FNTA: variants seen among roughly 807,000 people sequenced by gnomAD.
FNTA encodes the protein farnesyltransferase, CAAX box, subunit alpha, also known as protein farnesyltransferase/geranylgeranyltransferase type-1 subunit alpha.
A neutral mutation model predicts 55.2 loss-of-function variants in FNTA; 27 were observed. The ratio of observed to expected loss-of-function variants is 0.49; its 90% CI spans 0.36 to 0.67. The LOEUF (loss-of-function observed/expected upper bound fraction) is 0.67. Ranked by LOEUF, FNTA falls within the 30% of genes least tolerant of loss-of-function variation. The probability of loss-of-function intolerance (pLI) is 0.00; values close to 1 mark genes in which losing one functional copy is unlikely to be tolerated. For missense variants in FNTA, 422 were observed against 464.7 expected (o/e 0.91, Z 0.85); for synonymous variants, 176 against 170.7 (o/e 1.03, Z -0.24).
intron 5 of FNTA, among the ~76,000 whole-genome samples, 186 bp downstream of exon 5, chr8:43,072,493 A>G (rs932544347): frequency 6.6e-6 from 1 of 152,192 alleles, no homozygotes; most frequent in Non-Finnish European, 1.5e-5. Context: ...TGGGAGGCCA[A>G]GGCAGGAGGA....
chr8:43,083,402 A>G (rs1200002477), intron 7 of FNTA, among the ~76,000 whole-genome samples: 1 of 152,190 alleles, frequency 6.6e-6, no homozygotes, highest in Admixed American at 6.5e-5. Flanking sequence ...ATAATCCACC[A>G]GTAAATAATG....
intron 5 of FNTA, among the ~76,000 whole-genome samples, chr8:43,075,994 AGC>A (rs920957885): frequency 6.6e-6 from 1 of 151,532 alleles, no homozygotes; most frequent in Non-Finnish European, 1.5e-5. Flanking sequence ...CCTCCTGAGT[AGC>A]TGGGATTCTA....
At position 43,059,075 on chromosome 8, in the gene FNTA, G is replaced by A. The variant is rs202242538; in HGVS notation, c.201-17G>A. The stretch of plus-strand genomic sequence containing the variant: ...GTATTTGAATGTAACCACTGGTTGG[G>A]GAATGTCTGTTTTCAGGGACAGAGC... On this transcript the variant is annotated splice_polypyrimidine_tract_variant and intron_variant, in intron 1 of 8. Transcript: ENST00000302279. 1 of 1,599,964 alleles carries A rather than the reference G, an allele frequency of 6.3e-7. No individual in the cohort carries two copies. Among genetic ancestry groups the A allele is most frequent in the African/African-American group, 1.3e-5 (1 of 74,518 alleles).
intron 2 of FNTA, among the ~76,000 whole-genome samples, chr8:43,062,173 ATGTGTGTGTGTGTGTGTG>A (rs35607201): frequency 6.7e-6 from 1 of 148,904 alleles, no homozygotes; most frequent in African/African-American, 2.5e-5. Flanking sequence ...TGTATGTTTT[ATGTGTGTGTGTGTGTGTG>A]TGTGTGTGTG....
In FNTA at chr8:43,056,391, G is replaced by T; in HGVS notation, c.45G>T (p.Glu15Asp). 1 of 1,495,584 alleles carries T rather than the reference G, an allele frequency of 6.7e-7. No homozygotes were observed. Among genetic ancestry groups the T allele is most frequent in the Non-Finnish European group, 8.9e-7 (1 of 1,125,620 alleles). The allele number at this position is 1,495,584 out of a possible 1,614,324, so 92.6% of individuals were successfully genotyped here. ...TCGGGGAGGCTGCGCAAGGGGGCGA[G>T]CCCGGGCAGCCGGCGCAACCCCCGC... ...EGVGEAAQGG[E>D]PGQPAQPPPQ... The change falls in exon 1 of 9, where the codon GAG (glutamate) becomes GAT (aspartate). Residue 15 changes from glutamate (E) to aspartate (D), a missense_variant. Around this residue, in one of 2 missense-constraint regions of FNTA, gnomAD observed 160 missense variants for 121.6 expected, o/e 1.32. Transcript: ENST00000302279.
intron 1 of FNTA, among the ~76,000 whole-genome samples, chr8:43,057,823 T>A (rs1294618600): frequency 6.6e-6 from 1 of 152,018 alleles, no homozygotes; most frequent in Non-Finnish European, 1.5e-5. Context: ...CCGGGCGTGG[T>A]GGCGGGCACC....
intron 4 of FNTA, among the ~76,000 whole-genome samples, chr8:43,069,884 T>C (rs1424770461): frequency 6.6e-6 from 1 of 151,416 alleles, no homozygotes; most frequent in Non-Finnish European, 1.5e-5. Context: ...CCTCAGGTGA[T>C]CCGCCCTCCT....
chr8:43,075,899 G>A (rs995457735), intron 5 of FNTA, among the ~76,000 whole-genome samples: 5 of 150,842 alleles, frequency 3.3e-5, no homozygotes, highest in Non-Finnish European at 7.4e-5. Flanking sequence ...TTTGGGACAG[G>A]GTCTGTTTCT....
chr8:43,083,079 CT>C, intron 6 of FNTA, 38 bp from the exon 7 acceptor site: 2 of 1,227,758 alleles, frequency 1.6e-6, no homozygotes, highest in Non-Finnish European at 2.3e-6. Context: ...CATCATTGCA[CT>C]GTTCTTTTAA....
intron 7 of FNTA, among the ~76,000 whole-genome samples, chr8:43,084,019 C>T (rs745555120): frequency 9.9e-5 from 15 of 151,838 alleles, no homozygotes; most frequent in Non-Finnish European, 8.8e-5. Context: ...TCAGAGTGAG[C>T]CAAGATCACA....
chr8:43,077,969 T>C (rs909619450), intron 6 of FNTA: 1 of 152,214 alleles, frequency 6.6e-6, no homozygotes, highest in Non-Finnish European at 1.5e-5. Flanking sequence ...TGAGTGTCTG[T>C]TTTACAATTT....
Position 43,065,073 on chromosome 8 carries a change from A to G in FNTA, c.401+858A>G, listed in dbSNP as rs569059995. On this transcript the variant is annotated intron_variant, in intron 3 of 8. Coordinates refer to ENST00000302279, the MANE Select transcript of FNTA (RefSeq NM_002027.3). ...CTGGCCTCGATCTCCTGACCTCGTG[A>G]TCCGCCCACCTCAGCCTTCCAAAGT... Among the ~76,000 whole-genome samples, 374 of 151,598 alleles carry G rather than the reference A, an allele frequency of 2.5e-3. 1 individual carries two copies. Among genetic ancestry groups the G allele is most frequent in the Non-Finnish European group, 3.4e-3 (228 of 67,874 alleles).
At chr8:43,060,796 TACAC>T (rs1229338844) in intron 2 of FNTA, among the ~76,000 whole-genome samples, 4 of 152,094 alleles carry the variant, frequency 2.6e-5, no homozygotes, top group African/African-American at 4.8e-5. Context: ...ATTTAAAACT[TACAC>T]AGCAGAAGAA....
intron 2 of FNTA, among the ~76,000 whole-genome samples, chr8:43,059,459 C>T (rs949114049): frequency 6.6e-6 from 1 of 152,122 alleles, no homozygotes; most frequent in Non-Finnish European, 1.5e-5. Flanking sequence ...TTGCTGGAGA[C>T]TCCACCGCCA....
intron 3 of FNTA, among the ~76,000 whole-genome samples, chr8:43,064,550 G>A (rs967191872): frequency 1.3e-5 from 2 of 151,990 alleles, no homozygotes; most frequent in Non-Finnish European, 2.9e-5. Context: ...CCTGACTTAA[G>A]GTGATCCACT....
chr8:43,066,370 C>T (rs1810659091), intron 3 of FNTA, among the ~76,000 whole-genome samples: 1 of 150,750 alleles, frequency 6.6e-6, no homozygotes, highest in Admixed American at 6.6e-5. Flanking sequence ...CATTCTCCTG[C>T]CTCAGCCTCC....
intron 3 of FNTA, among the ~76,000 whole-genome samples, chr8:43,067,195 G>A (rs1247079746): frequency 6.6e-6 from 1 of 152,190 alleles, no homozygotes; most frequent in Non-Finnish European, 1.5e-5. Flanking sequence ...TGTCATGGTA[G>A]TGGGAACGGT....
intron 1 of FNTA, chr8:43,057,113 A>AAG (rs1285271855): frequency 5.3e-5 from 8 of 152,146 alleles, no homozygotes; most frequent in Non-Finnish European, 1.2e-4. Flanking sequence ...AACCTCTCTT[A>AAG]AGTCTCCCTG....
chr8:43,057,891 G>C (rs1415694988), intron 1 of FNTA, among the ~76,000 whole-genome samples: 1 of 150,564 alleles, frequency 6.6e-6, no homozygotes, highest in Non-Finnish European at 1.5e-5. Flanking sequence ...CCAGGAGGCA[G>C]AGGTTGCAAT....
Sources: gnomAD v4.1 joint callset for allele counts (sites outside exome capture counted in the v4.1 genomes callset) on GRCh38, gnomAD v4.1.1 for gene constraint, gnomAD v4.1.1 regional missense constraint, MANE v1.5 for transcripts, NCBI Gene and HGNC (gene_info 2026-07-23, HGNC 2026-07-21) for gene names.